NLRC4: variants seen among roughly 807,000 people sequenced by gnomAD.
NLRC4 encodes NLR family CARD domain-containing protein 4.
Under a neutral mutation model 79.9 loss-of-function variants are expected in NLRC4, and 63 were observed. The ratio of observed to expected loss-of-function variants is 0.79; its 90% CI spans 0.64 to 0.97. The LOEUF (loss-of-function observed/expected upper bound fraction) is 0.97, where lower values mean the gene tolerates loss of function less well. Among genes scored for constraint, NLRC4 ranks in the 50% least tolerant of loss-of-function variants. NLRC4 has a pLI of 0.00. For synonymous variants in NLRC4, 461 were observed against 456.5 expected (o/e 1.01, Z -0.12); for missense variants, 1,074 against 1,215.2 (o/e 0.88, Z 1.73).
chr2:32,258,190 T>G (rs1687253158), intron 1 of NLRC4, among the ~76,000 whole-genome samples: 1 of 152,154 alleles, frequency 6.6e-6, no homozygotes, highest in Admixed American at 6.5e-5. Flanking sequence ...TCCGAGTCGT[T>G]CCTCTGGTGG....
At chr2:32,236,446 G>A (rs377506111) in intron 6 of NLRC4, 107 bp from the exon 7 acceptor site, 1 of 667,500 alleles carries the variant, frequency 1.5e-6, no homozygotes, top group Non-Finnish European at 2.5e-6. Context: ...GCTAATGGTA[G>A]TGCAAACCAT....
chr2:32,258,172 G>A (rs1369410042), intron 1 of NLRC4, among the ~76,000 whole-genome samples: 1 of 152,154 alleles, frequency 6.6e-6, no homozygotes, highest in Non-Finnish European at 1.5e-5. Context: ...CAACCCTCCA[G>A]GCCAAACTCC....
At chr2:32,234,600 TG>T (rs1216584450) in intron 8 of NLRC4, among the ~76,000 whole-genome samples, 2 of 152,128 alleles carry the variant, frequency 1.3e-5, no homozygotes, top group Non-Finnish European at 2.9e-5. Context: ...GTGCAACCAG[TG>T]GGATATGTCA....
rs149451729 is a variant in NLRC4 at position 32,238,296 on chromosome 2, C to T, written c.2357G>A (p.Gly786Asp). The change falls in exon 6 of 9, where the codon GGC (glycine) becomes GAC (aspartate). Residue 786 changes from glycine to aspartate, a missense_variant. Physicochemically the swap from Gly to Asp is moderately conservative, Grantham distance 94. Transcript: ENST00000402280. Reference sequence around the variant, plus strand: ...ACACATCTTCTTCAGGTTTTTCAGGCCTTCAGCTGAAAAATGATAGAAAGG... The same window carrying T: ...ACACATCTTCTTCAGGTTTTTCAGGTCTTCAGCTGAAAAATGATAGAAAGG... ...NEEDAIKLAEGLKNLKKMCLF... is the reference protein window; with the variant it reads ...NEEDAIKLAEDLKNLKKMCLF... The T allele has an allele frequency of 1.2e-6, 2 of 1,608,364 alleles. No individual in the cohort carries two copies. Among genetic ancestry groups the T allele is most frequent in the South Asian group, 1.1e-5 (1 of 89,828 alleles).
chr2:32,249,631 C>T lies in NLRC4; in HGVS notation c.2233G>A (p.Asp745Asn). Reference protein sequence around the residue: ...VTNLKTLSIHDLQNQRLPGGL... With the variant: ...VTNLKTLSIHNLQNQRLPGGL... ...CCCGGCAGCCGTTGATTCTGTAGGT[C>T]ATGAATACTCAAGGTTTTCAGGTTT... Residue 745 changes from aspartate (D) to asparagine (N), a missense_variant, in exon 4 of 9, where the codon GAC becomes AAC. By Grantham distance (23) the Asp-to-Asn change is conservative. Coordinates refer to ENST00000402280, the MANE Select transcript of NLRC4 (RefSeq NM_001199138.2). The T allele has an allele frequency of 1.9e-6, 3 of 1,605,962 alleles. No individual in the cohort carries two copies. The highest frequency in any genetic ancestry group is 2.6e-6 in the Non-Finnish European group (3 of 1,176,466).
chr2:32,232,557 C>G lies in NLRC4; in HGVS notation c.2782+2844G>C, dbSNP rs538372588. ...ATTAGAGACTCCATCTCTCATTACA[C>G]TCTTCATTTCACCATTGCATCTATC... On this transcript the variant is annotated intron_variant, in intron 8 of 8. Coordinates refer to ENST00000402280, the MANE Select transcript of NLRC4 (RefSeq NM_001199138.2). 3.9e-5 allele frequency among the ~76,000 whole-genome samples: 6 copies of G among 152,328 alleles called. No individual in the cohort carries two copies. In the South Asian group the frequency reaches 1.2e-3, roughly 32 times the overall value.
rs1362970269 is a variant in NLRC4, at chr2:32,248,236, A to T, written c.2257+1371T>A. 2.6e-5 allele frequency among the ~76,000 whole-genome samples: 4 copies of T among 152,312 alleles called. No individual in the cohort carries two copies. In the East Asian group the frequency reaches 7.7e-4, roughly 29 times the overall value. On this transcript the variant is annotated intron_variant, in intron 4 of 8. Transcript: ENST00000402280. ...CAGCCAGTCTTGATTATAGCTGTAA[A>T]CTAAAAATCCTAAGCCCCCCACCAA...
At chr2:32,264,503 A>G (rs1172584802) in intron 1 of NLRC4, among the ~76,000 whole-genome samples, 1 of 150,696 alleles carries the variant, frequency 6.6e-6, no homozygotes, top group Admixed American at 6.6e-5. Flanking sequence ...AGTCCTTTCC[A>G]TCTCACAGTA....
intron 5 of NLRC4, among the ~76,000 whole-genome samples, chr2:32,238,596 G>A (rs527241935): frequency 2.6e-5 from 4 of 152,132 alleles, no homozygotes; most frequent in South Asian, 2.1e-4. Flanking sequence ...TACTCTTACC[G>A]TAATTCTTTA....
chr2:32,233,130 GAGGGAGGA>G (rs1199405555), intron 8 of NLRC4, among the ~76,000 whole-genome samples: 1 of 94,286 alleles, frequency 1.1e-5, no homozygotes, highest in African/African-American at 4.6e-5. Context: ...AGGGGTGGGG[GAGGGAGGA>G]AGGAAGGAAG....
In NLRC4 at chr2:32,251,006, G is replaced by A; in HGVS notation, c.858C>T (p.His286=). Residue 286 remains histidine, a synonymous_variant, in exon 4 of 9, where the codon CAC becomes CAT. Transcript: ENST00000402280. ...IVTTTTECLR[H]IRQFGALTAE... is the part of the protein sequence containing the mutation. Reference sequence around the variant, plus strand: ...CAGTCAGGGCACCAAACTGCCGTATGTGCCTCAGGCACTCAGTGGTAGTGG... The same window carrying A: ...CAGTCAGGGCACCAAACTGCCGTATATGCCTCAGGCACTCAGTGGTAGTGG... 3.1e-6 allele frequency: 5 copies of A among 1,614,220 alleles called. No individual in the cohort carries two copies. The highest frequency in any genetic ancestry group is 3.4e-6 in the Non-Finnish European group (4 of 1,180,040).
At chr2:32,240,021 C>G (rs115422190) in intron 5 of NLRC4, among the ~76,000 whole-genome samples, 4 of 152,180 alleles carry the variant, frequency 2.6e-5, no homozygotes, top group African/African-American at 9.7e-5. Context: ...ATCTCTGTCA[C>G]CGAGGCTGGA....
rs1459749845 is a variant in NLRC4 at position 32,264,730 on chromosome 2, C to T, written c.-119+8G>A. The T allele has an allele frequency of 2.0e-5, 3 of 152,110 alleles. No individual in the cohort carries two copies. The highest frequency in any genetic ancestry group is 4.4e-5 in the Non-Finnish European group (3 of 68,026). 9.4% of individuals were successfully genotyped at this position (152,110 alleles called of 1,614,324 possible). A position where few individuals can be genotyped will look rare whatever the true frequency, so the allele number is the denominator to read the frequency against. ...CCTTAAAAATCCCATTCTCTCTACC[C>T]ACAGTACCTGGCTGAGCAATCCAAT... On this transcript the variant is annotated splice_region_variant and intron_variant, in intron 1 of 8. Coordinates refer to ENST00000402280, the MANE Select transcript of NLRC4 (RefSeq NM_001199138.2).
chr2:32,251,683 G>C (rs1297807760), intron 3 of NLRC4, 82 bp from the exon 4 acceptor site: 1 of 922,244 alleles, frequency 1.1e-6, no homozygotes, highest in African/African-American at 1.7e-5. Flanking sequence ...GAACGGGGGG[G>C]TGAGGCTGAG....
intron 4 of NLRC4, among the ~76,000 whole-genome samples, chr2:32,247,750 A>G (rs1246082422): frequency 2.6e-5 from 4 of 152,000 alleles, no homozygotes; most frequent in Non-Finnish European, 4.4e-5. Context: ...GCTTTCCCCC[A>G]ACATAGACCT....
chr2:32,247,002 C>G (rs1257832409), intron 4 of NLRC4, among the ~76,000 whole-genome samples: 1 of 152,180 alleles, frequency 6.6e-6, no homozygotes. Context: ...AAGTAATCCT[C>G]CTGCCTTGGC....
upstream of NLRC4, chr2:32,265,526 A>G (rs1687445384): frequency 6.6e-6 from 1 of 152,376 alleles, no homozygotes; most frequent in South Asian, 2.1e-4. Context: ...AGAGCGGTAA[A>G]TGAAATGAGC....
chr2:32,232,156 A>T (rs1438084676), intron 8 of NLRC4, among the ~76,000 whole-genome samples: 2 of 152,188 alleles, frequency 1.3e-5, no homozygotes, highest in African/African-American at 4.8e-5. Flanking sequence ...CATACTATCA[A>T]CATGAATCAC....
intron 8 of NLRC4, among the ~76,000 whole-genome samples, chr2:32,233,572 A>G (rs1022613631): frequency 4.0e-5 from 6 of 151,576 alleles, no homozygotes; most frequent in Non-Finnish European, 7.4e-5. Context: ...TTTAATTTCC[A>G]TATGTTTGTA....
Sources: allele counts gnomAD v4.1 joint callset (sites outside exome capture counted in the v4.1 genomes callset), GRCh38; gene constraint gnomAD v4.1.1; transcripts MANE v1.5; gene names NCBI Gene and HGNC (gene_info 2026-07-23, HGNC 2026-07-21).